ASMTL: variants seen among roughly 807,000 people sequenced by gnomAD.
The protein encoded by ASMTL is acetylserotonin O-methyltransferase like.
ASMTL carries 57 observed loss-of-function variants against 60.3 expected under a neutral mutation model. The ratio of observed to expected loss-of-function variants is 0.95; its 90% CI spans 0.76 to 1.18. ASMTL has a LOEUF of 1.18. ASMTL is among the 50% of genes most tolerant of loss of function. The pLI is 0.00. For missense variants in ASMTL, 981 were observed against 852.6 expected (o/e 1.15, Z -1.88); for synonymous variants, 419 against 373.0 (o/e 1.12, Z -1.42).
chrX:1,403,522 C>G, intron 12 of ASMTL, 33 bp from the exon 13 acceptor site: 1 of 1,600,912 alleles, frequency 6.2e-7, no homozygotes. Context: ...GGAGTCCTGG[C>G]CAGCCAGGCG....
chrX:1,418,400 A>G (rs2090376635), intron 10 of ASMTL, among the ~76,000 whole-genome samples: 1 of 151,684 alleles, frequency 6.6e-6, no homozygotes, highest in South Asian at 2.1e-4. Context: ...GGCCGGTGCT[A>G]CAGCAGCCAC....
In ASMTL at chrX:1,452,625, C is replaced by G. The variant is rs1474373164; in HGVS notation, c.93+123G>C. 5.5e-5 allele frequency: 42 copies of G among 766,324 alleles called. 1 individual carries two copies. The South Asian group carries it at 7.4e-4, about 14-fold the overall frequency. 47.5% of individuals were successfully genotyped at this position (766,324 alleles called of 1,614,324 possible). On this transcript the variant is annotated intron_variant, in intron 1 of 12. Transcript: ENST00000381317. ...GAGGTCCCGGGACACTCTCCCCTCC[C>G]CCATCCCTAAGGGTCTCGGGTCACT...
At position 1,418,969 on chromosome X, in the gene ASMTL, G is replaced by C. The variant is rs535469124; in HGVS notation, c.1378+13C>G. On this transcript the variant is annotated intron_variant, in intron 10 of 12. Transcript: ENST00000381317. ...ACGAAAGTAAGGAGAGCCCTGGCGG[G>C]GGGGCCACCCACCTCCCACGTCGCA... The C allele has an allele frequency of 2.5e-5, 41 of 1,611,808 alleles. No individual in the cohort carries two copies. The highest frequency in any genetic ancestry group is 2.5e-4 in the African/African-American group (19 of 74,980).
At position 1,427,865 on chromosome X, in the gene ASMTL, G is replaced by C; in HGVS notation, c.766C>G (p.Arg256Gly). 6.2e-7 allele frequency: 1 copy of C among 1,613,264 alleles called. No individual in the cohort carries two copies. Among genetic ancestry groups the C allele is most frequent in the Non-Finnish European group, 8.5e-7 (1 of 1,179,840 alleles). The change falls in exon 7 of 13, where the codon CGC becomes GGC. Residue 256 changes from arginine (R) to glycine (G), a missense_variant. Physicochemically the swap from Arg to Gly is moderately radical, Grantham distance 125. Coordinates refer to ENST00000381317, the MANE Select transcript of ASMTL (RefSeq NM_004192.4). Reference protein sequence around the residue: ...SEPTQRDAGSRDEKAEAGEAG... With the variant: ...SEPTQRDAGSGDEKAEAGEAG... ...TCTCCCGCCTCGGCCTTCTCATCGC[G>C]GCTGCCCGCGTCCCTCTGAGTGGGC...
intron 12 of ASMTL, among the ~76,000 whole-genome samples, chrX:1,411,108 C>T (rs28722887): frequency 1.3e-5 from 2 of 151,626 alleles, no homozygotes; most frequent in East Asian, 2.0e-4. Context: ...CACTTGAACC[C>T]TGGGGGTGGA....
At chrX:1,425,351 CT>C (rs1337819925) in intron 8 of ASMTL, 173 bp downstream of exon 8, 2 of 307,188 alleles carry the variant, frequency 6.5e-6, no homozygotes, top group African/African-American at 4.5e-5. Flanking sequence ...CCACTGTTCC[CT>C]CTCTGTCATT....
chrX:1,429,128 C>A (rs149597230), intron 6 of ASMTL, among the ~76,000 whole-genome samples: 1,864 of 151,516 alleles, frequency 0.012, 15 homozygotes, highest in South Asian at 0.042. Context: ...CTCCTGACCT[C>A]AGGTGATGCG....
chrX:1,433,935 G>A (rs28616689), intron 5 of ASMTL, among the ~76,000 whole-genome samples: 80,830 of 151,928 alleles, frequency 0.53, 21,740 homozygotes, highest in South Asian at 0.61. Context: ...AACCTGAGCA[G>A]GTGCTTGCAG....
intron 12 of ASMTL, among the ~76,000 whole-genome samples, chrX:1,407,631 C>T (rs1406727233): frequency 3.9e-5 from 6 of 152,022 alleles, no homozygotes; most frequent in African/African-American, 1.2e-4. Context: ...CACCTGTAAT[C>T]GCAGCACTTT....
intron 1 of ASMTL, among the ~76,000 whole-genome samples, chrX:1,446,539 G>A (rs5989741): frequency 0.027 from 3,767 of 137,426 alleles, 165 homozygotes; most frequent in African/African-American, 0.098. Flanking sequence ...TTGCTCTGTC[G>A]CCCAGGCTGG....
intron 12 of ASMTL, among the ~76,000 whole-genome samples, chrX:1,407,459 A>G (rs1469275543): frequency 6.8e-6 from 1 of 147,878 alleles, no homozygotes; most frequent in Non-Finnish European, 1.5e-5. Flanking sequence ...TGATAGGTAG[A>G]TAGATGAATA....
intron 1 of ASMTL, among the ~76,000 whole-genome samples, chrX:1,444,833 T>C (rs1322308977): frequency 6.6e-6 from 1 of 152,056 alleles, no homozygotes; most frequent in African/African-American, 2.4e-5. Flanking sequence ...TTCCAAGCAA[T>C]TTGTGTGAGG....
intron 11 of ASMTL, among the ~76,000 whole-genome samples, chrX:1,416,060 GAC>G (rs778134845): frequency 0.012 from 1,789 of 148,322 alleles, 37 homozygotes; most frequent in African/African-American, 0.043. Context: ...CGCGCACAGA[GAC>G]AGACATGCAC....
At chrX:1,442,654 G>A (rs1268928840) in intron 1 of ASMTL, among the ~76,000 whole-genome samples, 1 of 152,112 alleles carries the variant, frequency 6.6e-6, no homozygotes, top group Non-Finnish European at 1.5e-5. Flanking sequence ...TTGAACCCAC[G>A]AGCCAACAGT....
intron 12 of ASMTL, among the ~76,000 whole-genome samples, chrX:1,404,926 T>G (rs186000687): frequency 0.026 from 2,905 of 110,414 alleles, 94 homozygotes; most frequent in African/African-American, 0.093. Flanking sequence ...TAGGTAGATG[T>G]ATGGATGGAT....
intron 12 of ASMTL, among the ~76,000 whole-genome samples, chrX:1,411,867 C>T (rs1440875671): frequency 3.1e-4 from 39 of 124,930 alleles, no homozygotes; most frequent in Admixed American, 1.9e-3. Context: ...GGCTGGAGTG[C>T]GGTGGCGCAG....
chrX:1,436,928 C>T (rs1414881941), intron 3 of ASMTL, among the ~76,000 whole-genome samples: 1 of 152,188 alleles, frequency 6.6e-6, no homozygotes, highest in East Asian at 1.9e-4. Flanking sequence ...ATTCTCCCAT[C>T]GTCGTGGAGA....
At chrX:1,412,998 A>G in intron 11 of ASMTL, 144 bp from the exon 12 acceptor site, 1 of 872,332 alleles carries the variant, frequency 1.1e-6, no homozygotes, top group East Asian at 2.5e-5. Context: ...CCTGAAGTAC[A>G]TCCCCGTGGG....
chrX:1,403,258 C>T lies in ASMTL; in HGVS notation c.*11G>A, dbSNP rs1307462986. 5 of 1,609,566 alleles carry T rather than the reference C, an allele frequency of 3.1e-6. No individual in the cohort carries two copies. The highest frequency in any genetic ancestry group is 3.4e-5 in the Admixed American group (2 of 59,528). ...GGAGGACATCCCTATAATGAACATG[C>T]TGCCTGGGCTTCAGGGGGCCACTTT... On this transcript the variant is annotated 3_prime_UTR_variant, in exon 13 of 13. Transcript: ENST00000381317.
Sources: allele counts gnomAD v4.1 joint callset (sites outside exome capture counted in the v4.1 genomes callset), GRCh38; gene constraint gnomAD v4.1.1; transcripts MANE v1.5; gene names NCBI Gene and HGNC (gene_info 2026-07-23, HGNC 2026-07-21).